The following RNF38 variants were observed in gnomAD, a reference collection of about 807,000 sequenced individuals.
The protein encoded by RNF38 is E3 ubiquitin-protein ligase RNF38.
A neutral mutation model predicts 67.2 loss-of-function variants in RNF38; 15 were observed. That is an observed-to-expected ratio of 0.22 (90% CI 0.15 to 0.34). The LOEUF is 0.34. Among genes scored for constraint, RNF38 ranks in the 10% least tolerant of loss-of-function variants. RNF38 has a pLI of 1.00. For missense variants in RNF38, 524 were observed against 639.9 expected (o/e 0.82, Z 1.95); for synonymous variants, 220 against 218.8 (o/e 1.01, Z -0.05).
At chr9:36,372,398 G>A in intron 3 of RNF38, 1 of 574,988 alleles carries the variant, frequency 1.7e-6, no homozygotes. Context: ...TGAGTTTAAT[G>A]GCCCTGTTTA....
At chr9:36,404,643 G>A (rs1056636070), upstream of RNF38, among the ~76,000 whole-genome samples, 1 of 152,042 alleles carries the variant, frequency 6.6e-6, no homozygotes, top group Non-Finnish European at 1.5e-5. Context: ...TAGTTCTTAG[G>A]TTTATTCTAG....
chr9:36,371,475 ACT>A (rs1440143066), intron 3 of RNF38, among the ~76,000 whole-genome samples: 1 of 121,124 alleles, frequency 8.3e-6, no homozygotes, highest in African/African-American at 3.3e-5. Context: ...ACGGTGTTTC[ACT>A]CTTGTCACCC....
At chr9:36,385,565 G>C (rs1836556571) in intron 2 of RNF38, among the ~76,000 whole-genome samples, 1 of 152,084 alleles carries the variant, frequency 6.6e-6, no homozygotes, top group African/African-American at 2.4e-5. Flanking sequence ...TTTTAGTAGA[G>C]ATGGGGTTTC....
At chr9:36,371,126 A>G (rs1835347478) in intron 3 of RNF38, among the ~76,000 whole-genome samples, 1 of 152,214 alleles carries the variant, frequency 6.6e-6, no homozygotes, top group Non-Finnish European at 1.5e-5. Flanking sequence ...AAGGAGGTCA[A>G]ACATCTCCCT....
intron 2 of RNF38, among the ~76,000 whole-genome samples, chr9:36,386,495 GTAA>G (rs1836647787): frequency 2.6e-5 from 4 of 152,132 alleles, no homozygotes; most frequent in Admixed American, 2.6e-4. Context: ...TTTAACTTTA[GTAA>G]ATTTGTTAGA....
upstream of RNF38, among the ~76,000 whole-genome samples, chr9:36,405,362 G>T (rs1021515918): frequency 4.6e-5 from 7 of 152,166 alleles, no homozygotes; most frequent in African/African-American, 1.7e-4. Flanking sequence ...ATGTGAATTT[G>T]ATTGGTTTGG....
chr9:36,358,989 C>T (rs557891722), intron 4 of RNF38, among the ~76,000 whole-genome samples: 4 of 151,952 alleles, frequency 2.6e-5, no homozygotes, highest in South Asian at 2.1e-4. Flanking sequence ...CCAGCCTGGG[C>T]GACAAGAAAA....
intron 1 of RNF38, among the ~76,000 whole-genome samples, chr9:36,481,100 C>T (rs1014056598): frequency 2.0e-5 from 3 of 151,394 alleles, no homozygotes; most frequent in Non-Finnish European, 2.9e-5. Flanking sequence ...TTGCAACCTC[C>T]GCCTCCTGGG....
At chr9:36,375,786 G>C (rs910102373) in intron 3 of RNF38, 148 bp downstream of exon 3, 3 of 669,340 alleles carry the variant, frequency 4.5e-6, no homozygotes, top group Non-Finnish European at 7.3e-6. Flanking sequence ...TGGAAATCTA[G>C]GCAACTTTCT....
intron 8 of RNF38, among the ~76,000 whole-genome samples, chr9:36,352,136 C>CTAAAAGTACAAA (rs1833739719): frequency 6.6e-6 from 1 of 152,020 alleles, no homozygotes; most frequent in South Asian, 2.1e-4. Context: ...CCTGTTTCTA[C>CTAAAAGTACAAA]TAAAAGTACA....
intron 1 of RNF38, among the ~76,000 whole-genome samples, chr9:36,391,651 C>T (rs1388872999): frequency 2.1e-5 from 3 of 140,208 alleles, no homozygotes; most frequent in South Asian, 2.3e-4. Flanking sequence ...GTCTCGCTGT[C>T]GCCCAGGCTG....
chr9:36,351,165 T>C lies in RNF38; in HGVS notation c.1213A>G (p.Thr405Ala), dbSNP rs1324406807. 1.2e-5 allele frequency: 20 copies of C among 1,613,272 alleles called. No homozygotes were observed. Among genetic ancestry groups the C allele is most frequent in the Middle Eastern group, 1.6e-4 (1 of 6,082 alleles). ...MLPVPPAVGPTFSFELDVEDG... is the reference protein window; with the variant it reads ...MLPVPPAVGPAFSFELDVEDG... The stretch of plus-strand genomic sequence containing the variant: ...TCTACATCTAATTCAAAGCTGAAAG[T>C]TGGGCCCACTGCAGGTGGCACTGGA... The change falls in exon 9 of 12, where the codon ACT becomes GCT. Residue 405 changes from threonine (T) to alanine (A), a missense_variant. Coordinates refer to ENST00000259605, the MANE Select transcript of RNF38 (RefSeq NM_022781.5).
intron 1 of RNF38, among the ~76,000 whole-genome samples, chr9:36,392,385 A>T (rs1837180370): frequency 1.3e-5 from 2 of 152,336 alleles, no homozygotes; most frequent in Middle Eastern, 3.4e-3. Context: ...AGAAGTATGC[A>T]TTGCTGAATC....
At chr9:36,480,998 G>C (rs1337666644) in intron 1 of RNF38, among the ~76,000 whole-genome samples, 1 of 150,578 alleles carries the variant, frequency 6.6e-6, no homozygotes, top group African/African-American at 2.4e-5. Flanking sequence ...TGCAGTGATA[G>C]CTTTTTTTCT....
At chr9:36,408,644 A>G (rs928335336) in intron 2 of RNF38, among the ~76,000 whole-genome samples, 7 of 152,168 alleles carry the variant, frequency 4.6e-5, no homozygotes, top group African/African-American at 1.7e-4. Flanking sequence ...ACCAGTGAGA[A>G]CACCTTAGGG....
At position 36,345,093 on chromosome 9, in the gene RNF38, T is replaced by C. The variant is rs1019005552; in HGVS notation, c.1264-140A>G. 20 of 772,234 alleles carry C rather than the reference T, an allele frequency of 2.6e-5. No individual in the cohort carries two copies. In the South Asian group the frequency reaches 3.8e-4, roughly 15 times the overall value. The allele number at this position is 772,234 out of a possible 1,614,324, so 47.8% of individuals were successfully genotyped here. ...GTTCACAGGCATGATCATTGTGCAC[T>C]GTGGCCTCGAACTCCTGACCTCATG... On this transcript the variant is annotated intron_variant, in intron 9 of 11. Transcript: ENST00000259605.
chr9:36,443,391 G>A (rs78073387), intron 1 of RNF38, among the ~76,000 whole-genome samples: 7,796 of 152,210 alleles, frequency 0.051, 596 homozygotes, highest in African/African-American at 0.17. Flanking sequence ...ATTTTCACAC[G>A]AAGATATTAA....
intron 1 of RNF38, among the ~76,000 whole-genome samples, chr9:36,482,925 C>A (rs1840310892): frequency 6.6e-6 from 1 of 152,174 alleles, no homozygotes; most frequent in Non-Finnish European, 1.5e-5. Flanking sequence ...CACAGATCAC[C>A]TTTGCGTGGA....
At chr9:36,342,826 T>C (rs2133348993) in intron 10 of RNF38, among the ~76,000 whole-genome samples, 1 of 152,282 alleles carries the variant, frequency 6.6e-6, no homozygotes, top group Admixed American at 6.5e-5. Context: ...ACAGTAAATT[T>C]TCATGACCTT....
Sources: allele counts gnomAD v4.1 joint callset (sites outside exome capture counted in the v4.1 genomes callset), GRCh38; gene constraint gnomAD v4.1.1; transcripts MANE v1.5; gene names NCBI Gene and HGNC (gene_info 2026-07-23, HGNC 2026-07-21).